The following SLC2A9 variants were observed in gnomAD, a reference collection of about 807,000 sequenced individuals.
SLC2A9 encodes the protein solute carrier family 2 member 9.
SLC2A9 carries 39 observed loss-of-function variants against 50.6 expected under a neutral mutation model. That is an observed-to-expected ratio of 0.77 (90% CI 0.60 to 1.01). SLC2A9 has a LOEUF of 1.01. SLC2A9 is among the 50% of genes least tolerant of loss of function. The pLI is 0.00. For synonymous variants in SLC2A9, 324 were observed against 276.9 expected (o/e 1.17, Z -1.69); for missense variants, 686 against 677.6 (o/e 1.01, Z -0.14).
At chr4:9,788,893 G>T (rs1211973366) in intron 3 of SLC2A9, among the ~76,000 whole-genome samples, 3 of 152,168 alleles carry the variant, frequency 2.0e-5, no homozygotes, top group Admixed American at 6.5e-5. Context: ...TTTCCAAGGA[G>T]ACCAGGGTTC....
chr4:9,824,250 A>C (rs1473335998), downstream of SLC2A9, among the ~76,000 whole-genome samples: 1 of 152,058 alleles, frequency 6.6e-6, no homozygotes. Flanking sequence ...AGGCCCCACC[A>C]GTAAGAAGGC....
chr4:9,823,038 C>G (rs1209397104), downstream of SLC2A9, among the ~76,000 whole-genome samples: 1 of 152,102 alleles, frequency 6.6e-6, no homozygotes, highest in African/African-American at 2.4e-5. Context: ...TTTTCAGAGT[C>G]CTTACATGTT....
At chr4:9,808,742 A>G (rs915384383) in intron 3 of SLC2A9, among the ~76,000 whole-genome samples, 1 of 152,176 alleles carries the variant, frequency 6.6e-6, no homozygotes, top group Non-Finnish European at 1.5e-5. Flanking sequence ...TTGCAACATG[A>G]TTCCAAAGTG....
At chr4:9,832,060 T>C (rs1726242030) in intron 11 of SLC2A9, among the ~76,000 whole-genome samples, 1 of 152,182 alleles carries the variant, frequency 6.6e-6, no homozygotes, top group Non-Finnish European at 1.5e-5. Context: ...TAAATTTCTG[T>C]TGTTGAAGCT....
At chr4:10,018,404 T>C (rs1762968021) in intron 2 of SLC2A9, among the ~76,000 whole-genome samples, 1 of 151,992 alleles carries the variant, frequency 6.6e-6, no homozygotes, top group Non-Finnish European at 1.5e-5. Flanking sequence ...TAGTCGGGTG[T>C]GGTGGTGCAT....
chr4:9,985,817 T>C (rs1420345512), intron 3 of SLC2A9, 24 bp from the exon 4 acceptor site: 2 of 1,613,900 alleles, frequency 1.2e-6, no homozygotes, highest in South Asian at 2.2e-5. Flanking sequence ...AAAGATTTGA[T>C]GAAGATGTCT....
At chr4:9,787,021 A>G (rs868045214) in intron 3 of SLC2A9, among the ~76,000 whole-genome samples, 9 of 152,320 alleles carry the variant, frequency 5.9e-5, no homozygotes, top group African/African-American at 2.2e-4. Flanking sequence ...TACCTGCCTG[A>G]GATTGGAGGC....
intron 10 of SLC2A9, among the ~76,000 whole-genome samples, chr4:9,859,466 C>T (rs1483860629): frequency 1.3e-5 from 2 of 152,202 alleles, no homozygotes; most frequent in East Asian, 3.8e-4. Context: ...GATGGATTGC[C>T]TAAAGTCATT....
intron 4 of SLC2A9, among the ~76,000 whole-genome samples, chr4:9,985,033 T>C (rs1421214968): frequency 6.6e-6 from 1 of 152,188 alleles, no homozygotes; most frequent in Non-Finnish European, 1.5e-5. Flanking sequence ...GGAACAGTTC[T>C]CACCCTTGGC....
rs145945589 is a variant in SLC2A9, at chr4:9,784,193, C to T, written n.386-4128G>A. Among the ~76,000 whole-genome samples, 616 of 152,290 alleles carry T rather than the reference C, an allele frequency of 4.0e-3. 8 individuals are homozygous for T. Among genetic ancestry groups the T allele is most frequent in the African/African-American group, 0.014 (589 of 41,548 alleles). On this transcript the variant is annotated intron_variant and non_coding_transcript_variant, in intron 3 of 3. Transcript: ENST00000503803. ...GGACCTTGAGGAGCTTCTGTTTTCT[C>T]AGGTTTCTTTTTATTACTTATACCC...
At chr4:9,817,157 T>G (rs977338389) in intron 3 of SLC2A9, among the ~76,000 whole-genome samples, 9 of 152,222 alleles carry the variant, frequency 5.9e-5, no homozygotes, top group African/African-American at 2.2e-4. Context: ...TGTGTCCTTA[T>G]GAGGACATTG....
intron 6 of SLC2A9, among the ~76,000 whole-genome samples, chr4:9,938,681 G>C (rs954210792): frequency 6.6e-6 from 1 of 152,192 alleles, no homozygotes. Flanking sequence ...GTTTGAATGA[G>C]ACAAACTGAG....
chr4:10,026,622 A>G (rs1407936469), intron 1 of SLC2A9, among the ~76,000 whole-genome samples: 4 of 152,356 alleles, frequency 2.6e-5, no homozygotes, highest in Non-Finnish European at 2.9e-5. Flanking sequence ...GTGTCCTCCA[A>G]TGAATGAATG....
chr4:9,796,555 T>C (rs569420851), downstream of SLC2A9, among the ~76,000 whole-genome samples: 2 of 152,356 alleles, frequency 1.3e-5, no homozygotes, highest in Non-Finnish European at 2.9e-5. Context: ...GTGTTGTTAG[T>C]ACTCAATTAA....
chr4:9,779,840 A>G (rs577421063), exon 4 of SLC2A9: 2 of 152,296 alleles, frequency 1.3e-5, no homozygotes, highest in Admixed American at 6.5e-5. Context: ...TTTGCTGAAT[A>G]AAAGAATGAA....
intron 10 of SLC2A9, among the ~76,000 whole-genome samples, chr4:9,881,167 C>T (rs1393343224): frequency 1.3e-5 from 2 of 152,212 alleles, no homozygotes; most frequent in African/African-American, 4.8e-5. Flanking sequence ...GTAATATATT[C>T]AGCCAGGGTT....
intron 2 of SLC2A9, among the ~76,000 whole-genome samples, chr4:9,999,019 G>A (rs967546120): frequency 2.0e-5 from 3 of 151,362 alleles, no homozygotes; most frequent in African/African-American, 7.3e-5. Context: ...TCAGGTCAGG[G>A]GTCATCTCGG....
chr4:9,778,053 T>TTTCCTTCC (rs1163039690), downstream of SLC2A9, among the ~76,000 whole-genome samples: 1,029 of 13,956 alleles, frequency 0.074, 16 homozygotes, highest in East Asian at 0.16. Flanking sequence ...TCTTTCTTTC[T>TTTCCTTCC]TTCCTTCCTT....
At chr4:9,969,941 T>C (rs1398034396) in intron 5 of SLC2A9, among the ~76,000 whole-genome samples, 2 of 152,124 alleles carry the variant, frequency 1.3e-5, no homozygotes, top group Non-Finnish European at 2.9e-5. Context: ...AAAGACAAAA[T>C]AGTGTGTAGA....
Sources: allele counts gnomAD v4.1 joint callset (sites outside exome capture counted in the v4.1 genomes callset), GRCh38; gene constraint gnomAD v4.1.1; transcripts MANE v1.5; gene names NCBI Gene and HGNC (gene_info 2026-07-23, HGNC 2026-07-21).